GSE1: variants seen among roughly 807,000 people sequenced by gnomAD.
GSE1 encodes the protein genetic suppressor element 1.
Under a neutral mutation model 112.6 loss-of-function variants are expected in GSE1, and 32 were observed. The observed-to-expected ratio is 0.28, with a 90% confidence interval of 0.21 to 0.38. The LOEUF (loss-of-function observed/expected upper bound fraction) is 0.38, where lower values mean the gene tolerates loss of function less well. GSE1 is among the 10% of genes least tolerant of loss of function. The probability of loss-of-function intolerance (pLI) is 1.00; values close to 1 mark genes in which losing one functional copy is unlikely to be tolerated. For missense variants in GSE1, 2,348 were observed against 1,699.2 expected (o/e 1.38, Z -6.71); for synonymous variants, 1,115 against 735.6 (o/e 1.52, Z -8.35).
At chr16:85,452,275 G>T (rs1567498440) in intron 2 of GSE1, among the ~76,000 whole-genome samples, 1 of 152,200 alleles carries the variant, frequency 6.6e-6, no homozygotes, top group African/African-American at 2.4e-5. Context: ...TGCCAGCGCG[G>T]TTATTTATTT....
intron 1 of GSE1, among the ~76,000 whole-genome samples, chr16:85,344,712 C>T (rs990572010): frequency 6.6e-6 from 1 of 152,222 alleles, no homozygotes; most frequent in African/African-American, 2.4e-5. Flanking sequence ...GAGCCACTTG[C>T]CTGCAGGCAC....
At chr16:85,581,634 G>T (rs983926502) in intron 1 of GSE1, among the ~76,000 whole-genome samples, 9 of 152,194 alleles carry the variant, frequency 5.9e-5, no homozygotes, top group African/African-American at 2.2e-4. Context: ...GTGCATATGT[G>T]TGCAGGGGAC....
intron 2 of GSE1, among the ~76,000 whole-genome samples, chr16:85,400,182 A>C (rs1231176479): frequency 6.6e-6 from 1 of 152,188 alleles, no homozygotes; most frequent in Non-Finnish European, 1.5e-5. Flanking sequence ...CAGACGCCCC[A>C]CAGGCCCTCC....
intron 2 of GSE1, among the ~76,000 whole-genome samples, chr16:85,485,879 T>C (rs976362748): frequency 2.0e-5 from 3 of 152,154 alleles, no homozygotes; most frequent in African/African-American, 7.2e-5. Flanking sequence ...GAAACACCGA[T>C]GTTCTTCCCC....
At chr16:85,587,432 T>C in intron 1 of GSE1, among the ~76,000 whole-genome samples, 1 of 152,192 alleles carries the variant, frequency 6.6e-6, no homozygotes, top group South Asian at 2.1e-4. Context: ...ACAGCAGAAC[T>C]GATCACGGCA....
chr16:85,364,048 C>T (rs770951777), intron 2 of GSE1, among the ~76,000 whole-genome samples: 1 of 152,240 alleles, frequency 6.6e-6, no homozygotes, highest in Non-Finnish European at 1.5e-5. Flanking sequence ...ATAGTTCTTA[C>T]AGTGCTGGAG....
At chr16:85,539,776 G>A (rs1027997704) in intron 2 of GSE1, among the ~76,000 whole-genome samples, 5 of 152,154 alleles carry the variant, frequency 3.3e-5, no homozygotes, top group African/African-American at 4.8e-5. Context: ...CAGAACAGGC[G>A]GATGGCTGCC....
chr16:85,644,924 C>T (rs1335406230), intron 2 of GSE1, among the ~76,000 whole-genome samples: 2 of 151,768 alleles, frequency 1.3e-5, no homozygotes. Flanking sequence ...TTAAAGTGAA[C>T]TTTTTCTCAA....
chr16:85,223,711 TCTC>T (rs941093838), intron 1 of GSE1, among the ~76,000 whole-genome samples: 4 of 151,666 alleles, frequency 2.6e-5, no homozygotes, highest in Non-Finnish European at 5.9e-5. Flanking sequence ...TTCAAGCAAT[TCTC>T]CTGCCTCAAC....
chr16:85,671,420 A>C (rs1238540892), intron 15 of GSE1, among the ~76,000 whole-genome samples: 3 of 132,450 alleles, frequency 2.3e-5, no homozygotes, highest in Non-Finnish European at 4.7e-5. Context: ...AGCCTGGGCG[A>C]CAGAGCGAGA....
intron 1 of GSE1, among the ~76,000 whole-genome samples, chr16:85,313,487 G>C (rs1418857507): frequency 6.6e-6 from 1 of 152,118 alleles, no homozygotes; most frequent in Non-Finnish European, 1.5e-5. Context: ...TCCCTTTCAT[G>C]TTGGCCCCGA....
At chr16:85,518,916 G>T (rs749617038) in intron 2 of GSE1, among the ~76,000 whole-genome samples, 1 of 152,114 alleles carries the variant, frequency 6.6e-6, no homozygotes, top group Non-Finnish European at 1.5e-5. Flanking sequence ...TTTGTCCTCC[G>T]CTGGCTCGTG....
chr16:85,589,130 C>G (rs1425792685), intron 1 of GSE1, among the ~76,000 whole-genome samples: 1 of 152,126 alleles, frequency 6.6e-6, no homozygotes, highest in African/African-American at 2.4e-5. Context: ...CTCTGCCCAG[C>G]TGGGGACTTT....
At position 85,668,422 on chromosome 16, in the gene GSE1, A is replaced by G. The variant is rs2053059136; in HGVS notation, c.3413A>G (p.Glu1138Gly). 6.4e-7 allele frequency: 1 copy of G among 1,574,248 alleles called. No individual in the cohort carries two copies. The highest frequency in any genetic ancestry group is 8.7e-7 in the Non-Finnish European group (1 of 1,152,144). Residue 1138 changes from glutamate (E) to glycine (G), a missense_variant and splice_region_variant, in exon 14 of 16, where the codon GAA becomes GGA. Glu to Gly is a moderately conservative substitution (Grantham distance 98). Transcript: ENST00000253458. ...TTTGAAGCTTACCAGGAACACATAGAAGGTAAGGGGGTGCTGGGGAAGAGG... is the reference window on the plus strand; with the variant it reads ...TTTGAAGCTTACCAGGAACACATAGGAGGTAAGGGGGTGCTGGGGAAGAGG... Reference protein sequence around the residue: ...AVFEAYQEHIEEQNLERQVLQ... With the variant: ...AVFEAYQEHIGEQNLERQVLQ...
intron 1 of GSE1, among the ~76,000 whole-genome samples, chr16:85,314,005 A>G (rs1230683985): frequency 6.6e-6 from 1 of 151,244 alleles, no homozygotes; most frequent in African/African-American, 2.4e-5. Context: ...TGTGTGTGAT[A>G]CAGCCTAGTG....
chr16:85,219,228 G>A (rs2075353167), intron 1 of GSE1, among the ~76,000 whole-genome samples: 1 of 152,132 alleles, frequency 6.6e-6, no homozygotes, highest in Non-Finnish European at 1.5e-5. Flanking sequence ...TGGGCAGGCT[G>A]GTCTCGAACT....
At chr16:85,484,706 C>T (rs1319568610) in intron 2 of GSE1, among the ~76,000 whole-genome samples, 1 of 152,224 alleles carries the variant, frequency 6.6e-6, no homozygotes. Flanking sequence ...TTCAATTGCA[C>T]AGCAGAGCCC....
chr16:85,527,387 C>A (rs2052398193), intron 2 of GSE1, among the ~76,000 whole-genome samples: 1 of 152,280 alleles, frequency 6.6e-6, no homozygotes, highest in Non-Finnish European at 1.5e-5. Context: ...AGAAGAACCT[C>A]TCCCAGAGAA....
intron 1 of GSE1, among the ~76,000 whole-genome samples, chr16:85,327,900 T>C (rs2046258699): frequency 6.6e-6 from 1 of 152,186 alleles, no homozygotes; most frequent in African/African-American, 2.4e-5. Context: ...TCCTCCTTGA[T>C]ACCACATTCC....
Sources: gnomAD v4.1 joint callset for allele counts (sites outside exome capture counted in the v4.1 genomes callset) on GRCh38, gnomAD v4.1.1 for gene constraint, MANE v1.5 for transcripts, NCBI Gene and HGNC (gene_info 2026-07-23, HGNC 2026-07-21) for gene names.